NFIB: variants seen among roughly 807,000 people sequenced by gnomAD.
The protein encoded by NFIB is nuclear factor 1 B-type.
In NFIB, 11 loss-of-function variants were observed where a neutral mutation model predicts 61.5. The ratio of observed to expected loss-of-function variants is 0.18; its 90% CI spans 0.11 to 0.30. NFIB has a LOEUF of 0.30. NFIB is among the 10% of genes least tolerant of loss of function. The pLI is 1.00. For synonymous variants in NFIB, 260 were observed against 216.5 expected (o/e 1.20, Z -1.76); for missense variants, 471 against 608.9 (o/e 0.77, Z 2.38).
At chr9:14,421,489 A>G in the NFIB span, among the ~76,000 whole-genome samples, 2 of 152,250 alleles carry the variant, frequency 1.3e-5, no homozygotes, top group African/African-American at 4.8e-5. Flanking sequence ...GAATTTGAAG[A>G]TACTGAAGAG....
the NFIB span, among the ~76,000 whole-genome samples, chr9:14,470,108 T>C: frequency 0.83 from 126,797 of 152,214 alleles, 53,256 homozygotes; most frequent in African/African-American, 0.94. Flanking sequence ...TTATCTGAAA[T>C]GAAAGATCAC....
intron 2 of NFIB, among the ~76,000 whole-genome samples, chr9:14,209,917 T>C (rs2050141551): frequency 6.6e-6 from 1 of 152,188 alleles, no homozygotes; most frequent in South Asian, 2.1e-4. Context: ...ACCTGGTTGC[T>C]TAGGCATTCA....
chr9:14,495,201 G>T, the NFIB span, among the ~76,000 whole-genome samples: 1 of 152,096 alleles, frequency 6.6e-6, no homozygotes, highest in Non-Finnish European at 1.5e-5. Flanking sequence ...GCGGTCTAAG[G>T]AAGGTCACCC....
At chr9:14,215,428 G>GT (rs2050753999) in intron 2 of NFIB, among the ~76,000 whole-genome samples, 2 of 152,030 alleles carry the variant, frequency 1.3e-5, no homozygotes, top group Non-Finnish European at 2.9e-5. Flanking sequence ...ATAAGTAAAA[G>GT]TTTGAGTATT....
chr9:14,338,147 C>T (rs1385190230), intron 1 of NFIB, among the ~76,000 whole-genome samples: 1 of 152,188 alleles, frequency 6.6e-6, no homozygotes, highest in East Asian at 1.9e-4. Flanking sequence ...GTAATCCCAG[C>T]ACTTTGGGAG....
the NFIB span, among the ~76,000 whole-genome samples, chr9:14,499,089 T>TGA: frequency 2.0e-5 from 3 of 151,516 alleles, no homozygotes; most frequent in Non-Finnish European, 4.4e-5. Flanking sequence ...TGTGTGTGTG[T>TGA]GAGAGAGAGA....
intron 2 of NFIB, among the ~76,000 whole-genome samples, chr9:14,256,738 G>A (rs1329912107): frequency 6.6e-6 from 1 of 152,194 alleles, no homozygotes; most frequent in Non-Finnish European, 1.5e-5. Flanking sequence ...CATTGGGTGA[G>A]AAGGGTGAGA....
chr9:14,386,494 T>C (rs2061550112), intron 1 of NFIB, among the ~76,000 whole-genome samples: 1 of 152,196 alleles, frequency 6.6e-6, no homozygotes, highest in African/African-American at 2.4e-5. Context: ...GACCCAAGAA[T>C]TGATCATAAT....
chr9:14,457,095 C>T, the NFIB span, among the ~76,000 whole-genome samples: 1 of 152,154 alleles, frequency 6.6e-6, no homozygotes, highest in Non-Finnish European at 1.5e-5. Flanking sequence ...GCAATGTGTA[C>T]TGTATGCTGC....
intron 2 of NFIB, among the ~76,000 whole-genome samples, chr9:14,209,745 A>T (rs1278915592): frequency 2.0e-5 from 3 of 152,238 alleles, no homozygotes; most frequent in Non-Finnish European, 4.4e-5. Flanking sequence ...AAGTGGAGGG[A>T]AAAGAGCAGA....
the NFIB span, among the ~76,000 whole-genome samples, chr9:14,404,715 T>G: frequency 6.6e-6 from 1 of 152,122 alleles, no homozygotes; most frequent in Non-Finnish European, 1.5e-5. Flanking sequence ...GGGCTTTGAC[T>G]TGGGAGCTAG....
Position 14,321,664 on chromosome 9 carries a change from G to T in NFIB, c.109-14144C>A, listed in dbSNP as rs576629887. 2.0e-5 allele frequency among the ~76,000 whole-genome samples: 3 copies of T among 152,260 alleles called. No individual in the cohort carries two copies. The East Asian group carries it at 5.8e-4, about 29-fold the overall frequency. ...AGAACAAAATGCTAGATTCTGCACC[G>T]TTTGGACCACAATGTTACTCACTGA... is the stretch of plus-strand genomic sequence containing the variant. On this transcript the variant is annotated intron_variant, in intron 1 of 8. Transcript: ENST00000380934.
chr9:14,457,609 T>C, the NFIB span, among the ~76,000 whole-genome samples: 2 of 149,760 alleles, frequency 1.3e-5, no homozygotes, highest in African/African-American at 4.9e-5. Context: ...ACAAAATTGA[T>C]AGACCCCTAG....
intron 3 of NFIB, 66 bp downstream of exon 3, chr9:14,179,661 T>C (rs1438469730): frequency 6.4e-7 from 1 of 1,562,678 alleles, no homozygotes; most frequent in East Asian, 2.2e-5. Context: ...GGGGTGTTTA[T>C]CTATACAGTG....
intron 2 of NFIB, among the ~76,000 whole-genome samples, chr9:14,243,735 T>G (rs922965233): frequency 4.5e-4 from 68 of 152,170 alleles, no homozygotes; most frequent in African/African-American, 1.6e-3. Flanking sequence ...CAACCTCGTC[T>G]CAGATAGCCT....
At position 14,142,445 on chromosome 9, in the gene NFIB, T is replaced by C. The variant is rs756365842; in HGVS notation, c.925+4244A>G. Among the ~76,000 whole-genome samples the C allele has an allele frequency of 3.9e-5, 6 of 152,288 alleles. No individual in the cohort carries two copies. The South Asian group carries it at 6.2e-4, about 16-fold the overall frequency. On this transcript the variant is annotated intron_variant, in intron 6 of 10. Transcript: ENST00000380953. ...AATTGCCCAGTCTCAAGTAGGTCTT[T>C]ATCAGCAGCATGAAAATGGACTAAC...
chr9:14,489,491 A>T, the NFIB span, among the ~76,000 whole-genome samples: 1 of 150,858 alleles, frequency 6.6e-6, no homozygotes, highest in East Asian at 1.9e-4. Context: ...GTATTCACTC[A>T]TTTTTTTTTC....
At chr9:14,216,546 C>CTG (rs372536644) in intron 2 of NFIB, among the ~76,000 whole-genome samples, 37 of 21,556 alleles carry the variant, frequency 1.7e-3, no homozygotes, top group African/African-American at 5.1e-3. Flanking sequence ...CTCTCTCCCT[C>CTG]TGTGTGTGTG....
At position 14,084,517 on chromosome 9, in the gene NFIB, AT is replaced by A. The variant is rs986123641; in HGVS notation, c.*3791del. 4 of 225,430 alleles carry A rather than the reference AT, an allele frequency of 1.8e-5. No individual in the cohort carries two copies. The highest frequency in any genetic ancestry group is 2.7e-5 in the Non-Finnish European group (3 of 113,064). The allele number at this position is 225,430 out of a possible 1,614,324, so 14.0% of individuals were successfully genotyped here. On this transcript the variant is annotated 3_prime_UTR_variant, in exon 11 of 11. Transcript: ENST00000380953. ...TGTACAGTCTCCTTCACTGCCTTTT[AT>A]TTTTTTCCTTAGACAAGCCTCAAAT...
Sources: gnomAD v4.1 joint callset for allele counts (sites outside exome capture counted in the v4.1 genomes callset) on GRCh38, gnomAD v4.1.1 for gene constraint, MANE v1.5 for transcripts, NCBI Gene and HGNC (gene_info 2026-07-23, HGNC 2026-07-21) for gene names.